The following BMP5 variants were observed in gnomAD, a reference collection of about 807,000 sequenced individuals.
BMP5 encodes the protein bone morphogenetic protein 5.
In BMP5, 23 loss-of-function variants were observed where a neutral mutation model predicts 46.6. The observed-to-expected ratio is 0.49, with a 90% CI of 0.35 to 0.70. BMP5 has a LOEUF of 0.70. Among genes scored for constraint, BMP5 ranks in the 30% least tolerant of loss-of-function variants. The pLI, the probability that BMP5 is intolerant of heterozygous loss-of-function variation, is 0.00. For missense variants in BMP5, 545 were observed against 565.6 expected, an observed-to-expected ratio of 0.96 and a Z score of 0.37; for synonymous variants, 204 against 191.9, an observed-to-expected ratio of 1.06 and a Z score of -0.52.
At chr6:55,779,179 G>A (rs1775248418) in intron 3 of BMP5, among the ~76,000 whole-genome samples, 1 of 151,996 alleles carries the variant, frequency 6.6e-6, no homozygotes, top group Non-Finnish European at 1.5e-5. Context: ...TTCCCTCTAG[G>A]ATACACAGTT....
At chr6:55,808,004 G>C (rs543534188) in intron 2 of BMP5, among the ~76,000 whole-genome samples, 1 of 152,330 alleles carries the variant, frequency 6.6e-6, no homozygotes, top group Admixed American at 6.5e-5. Context: ...ACTGTTCCTT[G>C]ATGGAGGAGG....
chr6:55,841,054 C>A (rs1776935903), intron 1 of BMP5, among the ~76,000 whole-genome samples: 1 of 152,082 alleles, frequency 6.6e-6, no homozygotes, highest in Admixed American at 6.6e-5. Flanking sequence ...GGAGTGCGAA[C>A]CCTATTTTTA....
chr6:55,819,704 C>A lies in BMP5; in HGVS notation c.634G>T (p.Glu212Ter). The change falls in exon 2 of 7, where the codon GAA becomes TAA. Residue 212 changes from glutamate to a stop codon, truncating the protein, a stop_gained. Transcript: ENST00000370830. LOFTEE classifies it high-confidence loss of function. ...KDRSNNRFEN[E>*]TIKISIYQII... ...TGATATATGCTAATCTTAATTGTTT[C>A]ATTTTCAAATCGGTTGTTGCTCCGG... 6.2e-7 allele frequency: 1 copy of A among 1,613,690 alleles called. No individual in the cohort carries two copies. The highest frequency in any genetic ancestry group is 8.5e-7 in the Non-Finnish European group (1 of 1,179,792).
At chr6:55,795,547 A>C in intron 2 of BMP5, among the ~76,000 whole-genome samples, 1 of 152,074 alleles carries the variant, frequency 6.6e-6, no homozygotes, top group Non-Finnish European at 1.5e-5. Flanking sequence ...TGGCTTACAA[A>C]ATGTGAAAAC....
At chr6:55,854,831 T>C (rs1337712586) in intron 1 of BMP5, among the ~76,000 whole-genome samples, 1 of 152,164 alleles carries the variant, frequency 6.6e-6, no homozygotes, top group East Asian at 1.9e-4. Flanking sequence ...TTAATTAAGA[T>C]TTTTCCACAG....
chr6:55,778,060 G>C (rs374058619), intron 3 of BMP5, among the ~76,000 whole-genome samples: 8 of 152,028 alleles, frequency 5.3e-5, no homozygotes, highest in African/African-American at 1.9e-4. Flanking sequence ...AAAGCTGAGC[G>C]GAGCAGCAAT....
intron 1 of BMP5, among the ~76,000 whole-genome samples, chr6:55,831,823 A>G (rs1359252761): frequency 6.6e-6 from 1 of 152,176 alleles, no homozygotes; most frequent in Admixed American, 6.6e-5. Context: ...GAACATTTAG[A>G]ACACTGGAGG....
chr6:55,776,168 T>C (rs1775167686), intron 3 of BMP5, among the ~76,000 whole-genome samples: 1 of 152,022 alleles, frequency 6.6e-6, no homozygotes, highest in Non-Finnish European at 1.5e-5. Flanking sequence ...AGAGTCTATA[T>C]TTTTTAGAAA....
chr6:55,764,609 G>GA (rs1211194575), intron 4 of BMP5, among the ~76,000 whole-genome samples: 26 of 145,040 alleles, frequency 1.8e-4, no homozygotes, highest in South Asian at 1.3e-3. Context: ...AGAAAGAAAA[G>GA]AAAAAAAAGT....
chr6:55,848,911 T>C (rs1777158389), intron 1 of BMP5, among the ~76,000 whole-genome samples: 1 of 152,032 alleles, frequency 6.6e-6, no homozygotes, highest in African/African-American at 2.4e-5. Flanking sequence ...AATTAGGCTG[T>C]CACTGGTTGA....
At chr6:55,873,796 A>G (rs1777839230) in intron 1 of BMP5, among the ~76,000 whole-genome samples, 1 of 152,038 alleles carries the variant, frequency 6.6e-6, no homozygotes, top group African/African-American at 2.4e-5. Context: ...GAACTGTTAG[A>G]TTGAAACTTT....
intron 3 of BMP5, among the ~76,000 whole-genome samples, chr6:55,784,325 A>C (rs1458920935): frequency 2.0e-5 from 3 of 151,964 alleles, no homozygotes; most frequent in East Asian, 1.9e-4. Flanking sequence ...AAGAGATGCA[A>C]GTCTTCAAAA....
chr6:55,796,845 A>T (rs369033716), intron 2 of BMP5, among the ~76,000 whole-genome samples: 3 of 152,254 alleles, frequency 2.0e-5, no homozygotes. Context: ...AATTTCGGTG[A>T]TGCAAATTGC....
At chr6:55,823,918 G>A (rs938242073) in intron 1 of BMP5, among the ~76,000 whole-genome samples, 54 of 151,798 alleles carry the variant, frequency 3.6e-4, no homozygotes, top group African/African-American at 1.2e-3. Context: ...TATAATTTGA[G>A]TATTATATAC....
At chr6:55,827,653 A>T (rs552427738) in intron 1 of BMP5, among the ~76,000 whole-genome samples, 8 of 151,814 alleles carry the variant, frequency 5.3e-5, no homozygotes, top group Non-Finnish European at 8.9e-5. Context: ...TATTATGAGC[A>T]TTTTAGAAAG....
chr6:55,842,551 GGA>G (rs1386470853), intron 1 of BMP5, among the ~76,000 whole-genome samples: 4 of 152,020 alleles, frequency 2.6e-5, no homozygotes, highest in African/African-American at 9.7e-5. Flanking sequence ...AACTGCCTCA[GGA>G]ACCCCAGACT....
intron 1 of BMP5, among the ~76,000 whole-genome samples, chr6:55,828,185 A>G (rs1040693074): frequency 1.3e-5 from 2 of 151,854 alleles, no homozygotes; most frequent in Admixed American, 1.3e-4. Flanking sequence ...TCTACAGTGA[A>G]TATTTGTGGT....
chr6:55,837,731 C>T (rs115840556), intron 1 of BMP5, among the ~76,000 whole-genome samples: 4,158 of 152,150 alleles, frequency 0.027, 93 homozygotes, highest in Non-Finnish European at 0.041. Flanking sequence ...TGTTGTGCTA[C>T]CAAAGAGTAG....
intron 1 of BMP5, among the ~76,000 whole-genome samples, chr6:55,832,746 G>T (rs1396252711): frequency 6.6e-6 from 1 of 151,966 alleles, no homozygotes; most frequent in African/African-American, 2.4e-5. Flanking sequence ...TTATCTTTTT[G>T]CTCTGTCACA....
Sources: allele counts gnomAD v4.1 joint callset (sites outside exome capture counted in the v4.1 genomes callset), GRCh38; gene constraint gnomAD v4.1.1; transcripts MANE v1.5; gene names NCBI Gene and HGNC (gene_info 2026-07-23, HGNC 2026-07-21).